The following ITFG1 variants were observed in gnomAD, a reference collection of about 807,000 sequenced individuals.
The protein encoded by ITFG1 is integrin alpha FG-GAP repeat containing 1.
Under a neutral mutation model 81.8 loss-of-function variants are expected in ITFG1, and 34 were observed. The ratio of observed to expected loss-of-function variants is 0.42; its 90% confidence interval spans 0.32 to 0.55. The LOEUF (loss-of-function observed/expected upper bound fraction) is 0.55. Among genes scored for constraint, ITFG1 ranks in the 20% least tolerant of loss-of-function variants. The pLI, the probability that ITFG1 is intolerant of heterozygous loss-of-function variation, is 0.17. For synonymous variants in ITFG1, 285 were observed against 270.6 expected, an observed-to-expected ratio of 1.05 and a Z score of -0.52; for missense variants, 672 against 755.4, an observed-to-expected ratio of 0.89 and a Z score of 1.29.
intron 13 of ITFG1, 64 bp downstream of exon 13, chr16:47,237,899 TTG>T: frequency 8.4e-6 from 6 of 713,700 alleles, no homozygotes; most frequent in South Asian, 1.7e-5. Flanking sequence ...AACAACTATT[TTG>T]TGTGTGTCTA....
intron 14 of ITFG1, among the ~76,000 whole-genome samples, chr16:47,187,325 C>T (rs1291913400): frequency 6.6e-6 from 1 of 152,070 alleles, no homozygotes; most frequent in Non-Finnish European, 1.5e-5. Context: ...GCCAAAAGAA[C>T]AAAGCTGGAG....
chr16:47,373,432 C>T (rs1274942861), intron 7 of ITFG1, among the ~76,000 whole-genome samples: 3 of 152,092 alleles, frequency 2.0e-5, no homozygotes, highest in Non-Finnish European at 4.4e-5. Flanking sequence ...CAGGTGTGCA[C>T]CACTATACCA....
At chr16:47,437,980 A>T (rs967225067) in intron 5 of ITFG1, among the ~76,000 whole-genome samples, 1 of 152,186 alleles carries the variant, frequency 6.6e-6, no homozygotes, top group African/African-American at 2.4e-5. Context: ...GGTCACTCCC[A>T]CCCTAATACT....
In ITFG1 at chr16:47,309,502, T is replaced by A. The variant is rs1376230705; in HGVS notation, c.1070+1738A>T. On this transcript the variant is annotated intron_variant, in intron 10 of 17. Transcript: ENST00000320640. Reference sequence around the variant, plus strand: ...ATTAATTTTCATATGATTTGTCAAATTTTCCTACAGAAATGTAACAGCAAC... The same window carrying A: ...ATTAATTTTCATATGATTTGTCAAAATTTCCTACAGAAATGTAACAGCAAC... 2.0e-5 allele frequency among the ~76,000 whole-genome samples: 3 copies of A among 152,304 alleles called. No homozygotes were observed. The East Asian group carries it at 5.8e-4, about 29-fold the overall frequency.
At chr16:47,263,697 T>C (rs929829481) in intron 10 of ITFG1, among the ~76,000 whole-genome samples, 12 of 152,202 alleles carry the variant, frequency 7.9e-5, no homozygotes, top group Non-Finnish European at 8.8e-5. Flanking sequence ...CTTTCTTGGA[T>C]GTTAAGGTAC....
At chr16:47,264,820 C>A (rs1966257297) in intron 10 of ITFG1, among the ~76,000 whole-genome samples, 1 of 152,110 alleles carries the variant, frequency 6.6e-6, no homozygotes, top group African/African-American at 2.4e-5. Context: ...AAAACAACTT[C>A]ATTCTTCTGA....
intron 10 of ITFG1, among the ~76,000 whole-genome samples, chr16:47,266,436 T>TGTGA (rs1567440628): frequency 6.6e-6 from 1 of 152,214 alleles, no homozygotes; most frequent in Non-Finnish European, 1.5e-5. Context: ...CCGGCTGGTC[T>TGTGA]TGAACTCCTG....
chr16:47,266,760 T>C (rs997032853), intron 10 of ITFG1, among the ~76,000 whole-genome samples: 1 of 152,202 alleles, frequency 6.6e-6, no homozygotes, highest in Non-Finnish European at 1.5e-5. Context: ...AAAATGTTCA[T>C]AGTCGTAGTA....
chr16:47,400,763 G>A (rs1050685246), intron 6 of ITFG1, among the ~76,000 whole-genome samples: 1 of 152,066 alleles, frequency 6.6e-6, no homozygotes, highest in Non-Finnish European at 1.5e-5. Context: ...TGGGGCAGAG[G>A]AAACAGCATG....
At chr16:47,452,873 C>A in intron 3 of ITFG1, 83 bp from the exon 4 acceptor site, 1 of 646,206 alleles carries the variant, frequency 1.5e-6, no homozygotes, top group Non-Finnish European at 2.6e-6. Flanking sequence ...AAATATTCTT[C>A]TACTCTTTTC....
chr16:47,179,590 G>C (rs1965075690), intron 14 of ITFG1, among the ~76,000 whole-genome samples: 1 of 151,950 alleles, frequency 6.6e-6, no homozygotes, highest in Non-Finnish European at 1.5e-5. Context: ...CACTTAAGAT[G>C]AATAATTTTT....
At chr16:47,424,258 T>C (rs1016664497) in intron 6 of ITFG1, among the ~76,000 whole-genome samples, 6 of 152,352 alleles carry the variant, frequency 3.9e-5, no homozygotes, top group Non-Finnish European at 8.8e-5. Flanking sequence ...AAAGTTCTCA[T>C]GCCATGGTTT....
chr16:47,174,819 C>A (rs1387622208), intron 14 of ITFG1, among the ~76,000 whole-genome samples: 1 of 152,186 alleles, frequency 6.6e-6, no homozygotes, highest in Non-Finnish European at 1.5e-5. Flanking sequence ...CGCGCCCGGC[C>A]TCTCTGAAAG....
At chr16:47,321,888 A>T (rs1967453800) in intron 8 of ITFG1, among the ~76,000 whole-genome samples, 1 of 152,234 alleles carries the variant, frequency 6.6e-6, no homozygotes, top group African/African-American at 2.4e-5. Context: ...AAATTATGAC[A>T]ATGTGAAACA....
chr16:47,258,805 T>A, intron 11 of ITFG1, 65 bp from the exon 12 acceptor site: 1 of 639,608 alleles, frequency 1.6e-6, no homozygotes, highest in Non-Finnish European at 2.6e-6. Flanking sequence ...AAAATGACCA[T>A]TAAAATGCAT....
chr16:47,167,467 G>A (rs936743501), intron 14 of ITFG1, among the ~76,000 whole-genome samples: 1 of 152,072 alleles, frequency 6.6e-6, no homozygotes, highest in Non-Finnish European at 1.5e-5. Flanking sequence ...AAAATGGCCG[G>A]TCCTTGCCTT....
chr16:47,266,604 G>C (rs1185917548), intron 10 of ITFG1, among the ~76,000 whole-genome samples: 1 of 152,224 alleles, frequency 6.6e-6, no homozygotes, highest in African/African-American at 2.4e-5. Flanking sequence ...ACTGTTGGGA[G>C]ACATGTAAAA....
chr16:47,379,784 A>T (rs998483252), intron 6 of ITFG1, among the ~76,000 whole-genome samples: 1 of 151,958 alleles, frequency 6.6e-6, no homozygotes, highest in African/African-American at 2.4e-5. Context: ...GGCAGCCCCC[A>T]AATAAAACAC....
chr16:47,454,003 A>G lies in ITFG1; in HGVS notation c.427+10T>C. On this transcript the variant is annotated intron_variant, in intron 3 of 17. Transcript: ENST00000320640. ...ATGATAAATATTAAAAATTTTTAAA[A>G]CAAATTCACCTAATGTTTGATTTTG... 6.4e-7 allele frequency: 1 copy of G among 1,561,880 alleles called. No individual in the cohort carries two copies. The highest frequency in any genetic ancestry group is 8.7e-7 in the Non-Finnish European group (1 of 1,149,822).
Sources: gnomAD v4.1 joint callset for allele counts (sites outside exome capture counted in the v4.1 genomes callset) on GRCh38, gnomAD v4.1.1 for gene constraint, MANE v1.5 for transcripts, NCBI Gene and HGNC (gene_info 2026-07-23, HGNC 2026-07-21) for gene names.